Variants in FAM3C observed in about 807,000 individuals in gnomAD.
The protein encoded by FAM3C is protein FAM3C.
In FAM3C, 15 loss-of-function variants were observed where a neutral mutation model predicts 32.5. The ratio of observed to expected loss-of-function variants is 0.46; its 90% confidence interval spans 0.31 to 0.71. FAM3C has a LOEUF of 0.71. Ranked by LOEUF, FAM3C falls within the 30% of genes least tolerant of loss-of-function variation. The pLI is 0.05. For missense variants in FAM3C, 175 were observed against 274.4 expected (o/e 0.64, Z 2.56); for synonymous variants, 75 against 86.1 (o/e 0.87, Z 0.72).
At chr7:121,383,716 T>C (rs1794407459) in intron 1 of FAM3C, among the ~76,000 whole-genome samples, 1 of 152,176 alleles carries the variant, frequency 6.6e-6, no homozygotes, top group Non-Finnish European at 1.5e-5. Context: ...AAAAAATCTG[T>C]ATGTGCATGG....
At chr7:121,364,443 C>G (rs1793985184) in intron 5 of FAM3C, 1 of 386,096 alleles carries the variant, frequency 2.6e-6, no homozygotes, top group Non-Finnish European at 4.6e-6. Context: ...AATAATAGAC[C>G]ATTTTTGTGC....
intron 3 of FAM3C, among the ~76,000 whole-genome samples, chr7:121,374,764 A>C (rs530835906): frequency 6.6e-6 from 1 of 152,346 alleles, no homozygotes; most frequent in East Asian, 1.9e-4. Context: ...ATAATGTCTA[A>C]ATCAAATAGC....
At chr7:121,364,271 T>G in intron 5 of FAM3C, 83 bp from the exon 6 acceptor site, 1 of 876,556 alleles carries the variant, frequency 1.1e-6, no homozygotes, top group South Asian at 1.5e-5. Flanking sequence ...GCAAAAAAAG[T>G]TAGGAATATT....
chr7:121,364,310 G>A (rs565935898), intron 5 of FAM3C, 122 bp from the exon 6 acceptor site: 18 of 649,888 alleles, frequency 2.8e-5, no homozygotes, highest in African/African-American at 2.8e-4. Flanking sequence ...TCAGTGCTGC[G>A]GAGGAAATTA....
At chr7:121,387,752 T>A (rs1411159956) in intron 1 of FAM3C, among the ~76,000 whole-genome samples, 1 of 152,116 alleles carries the variant, frequency 6.6e-6, no homozygotes, top group African/African-American at 2.4e-5. Flanking sequence ...AAAACTTACA[T>A]TACTATTTCC....
intron 1 of FAM3C, among the ~76,000 whole-genome samples, chr7:121,395,011 C>T (rs1249938533): frequency 2.6e-5 from 4 of 152,116 alleles, no homozygotes; most frequent in Non-Finnish European, 5.9e-5. Context: ...CCTTTACTCT[C>T]GGGAGTTCAT....
chr7:121,366,517 T>A (rs997364837), intron 5 of FAM3C, among the ~76,000 whole-genome samples: 2 of 152,032 alleles, frequency 1.3e-5, no homozygotes, highest in Admixed American at 1.3e-4. Context: ...ATGGTTAACT[T>A]AGGGTTTGGG....
At chr7:121,384,549 C>A (rs1794428231) in intron 1 of FAM3C, among the ~76,000 whole-genome samples, 1 of 152,106 alleles carries the variant, frequency 6.6e-6, no homozygotes, top group South Asian at 2.1e-4. Flanking sequence ...AGTTACGCAC[C>A]AGGTACTTGA....
At chr7:121,366,652 T>A (rs1489219738) in intron 5 of FAM3C, among the ~76,000 whole-genome samples, 2 of 152,180 alleles carry the variant, frequency 1.3e-5, no homozygotes, top group Non-Finnish European at 2.9e-5. Context: ...TATCTGTGAA[T>A]ATAATAAACC....
rs1793705482 is a variant in FAM3C, at chr7:121,351,512, CACA to C, written c.468-246_468-244del. The C allele has an allele frequency of 7.6e-6, 3 of 396,182 alleles. No individual in the cohort carries two copies. In the Admixed American group the frequency reaches 1.2e-4, roughly 15 times the overall value. The allele number at this position is 396,182 out of a possible 1,614,324, so 24.5% of individuals were successfully genotyped here. On this transcript the variant is annotated intron_variant, in intron 8 of 9. Coordinates refer to ENST00000359943, the MANE Select transcript of FAM3C (RefSeq NM_014888.3). The stretch of plus-strand genomic sequence containing the variant: ...AAAAGGACCTGTTAGGTTTTTATTT[CACA>C]ACAATTCACCTTCATTTAACTTTTT...
chr7:121,374,455 T>C (rs1245306394), intron 3 of FAM3C, among the ~76,000 whole-genome samples: 1 of 152,190 alleles, frequency 6.6e-6, no homozygotes, highest in African/African-American at 2.4e-5. Context: ...ATAGAAATTG[T>C]CAAGTAAGTT....
rs1794294586 is a variant in FAM3C at position 121,378,896 on chromosome 7, A to C, written c.118+14T>G. The C allele has an allele frequency of 1.4e-6, 2 of 1,391,400 alleles. No homozygotes were observed. Among genetic ancestry groups the C allele is most frequent in the Non-Finnish European group, 2.0e-6 (2 of 1,005,152 alleles). 86.2% of individuals were successfully genotyped at this position (1,391,400 alleles called of 1,614,324 possible). The stretch of plus-strand genomic sequence containing the variant: ...CAAAAATAAGATTTAAGAAAGGAAA[A>C]AAATAAAACTTACCAAATAGATTTC... On this transcript the variant is annotated intron_variant, in intron 3 of 9. Coordinates refer to ENST00000359943, the MANE Select transcript of FAM3C (RefSeq NM_014888.3).
At chr7:121,356,956 A>C (rs1400834964) in intron 8 of FAM3C, among the ~76,000 whole-genome samples, 1 of 152,204 alleles carries the variant, frequency 6.6e-6, no homozygotes, top group Non-Finnish European at 1.5e-5. Context: ...CACAGAATCA[A>C]GAAACACCAT....
chr7:121,377,158 T>G (rs1282482928), intron 3 of FAM3C, among the ~76,000 whole-genome samples: 2 of 152,114 alleles, frequency 1.3e-5, no homozygotes, highest in Non-Finnish European at 2.9e-5. Flanking sequence ...TATAAGGGAC[T>G]TTCCCCTCGC....
intron 8 of FAM3C, among the ~76,000 whole-genome samples, chr7:121,354,021 C>G (rs1438505262): frequency 6.6e-6 from 1 of 152,160 alleles, no homozygotes; most frequent in Non-Finnish European, 1.5e-5. Context: ...CTAACACTTT[C>G]TGATCTGCCT....
In FAM3C at chr7:121,364,773, C is replaced by T. The variant is rs974798330; in HGVS notation, c.273-585G>A. ...TTACGTGGTGACTACCTGAAATAAT[C>T]GACTTCCATGGGCAGCTCACAGACC... On this transcript the variant is annotated intron_variant, in intron 5 of 9. Coordinates refer to ENST00000359943, the MANE Select transcript of FAM3C (RefSeq NM_014888.3). 4.6e-5 allele frequency among the ~76,000 whole-genome samples: 7 copies of T among 152,206 alleles called. No homozygotes were observed. The East Asian group carries it at 5.8e-4, about 13-fold the overall frequency.
intron 5 of FAM3C, 34 bp downstream of exon 5, chr7:121,371,266 C>T: frequency 2.5e-6 from 4 of 1,607,194 alleles, no homozygotes; most frequent in African/African-American, 1.3e-5. Flanking sequence ...AATTTAATAG[C>T]ACACCTTATC....
At chr7:121,383,576 G>A (rs1380064878) in intron 1 of FAM3C, among the ~76,000 whole-genome samples, 1 of 152,114 alleles carries the variant, frequency 6.6e-6, no homozygotes, top group Non-Finnish European at 1.5e-5. Context: ...AAAATAATAT[G>A]TTAAGAAGTA....
Position 121,395,660 on chromosome 7 carries a change from C to T in FAM3C, c.-42+502G>A, listed in dbSNP as rs140808648. On this transcript the variant is annotated intron_variant, in intron 1 of 9. Transcript: ENST00000359943. ...AGAAGAGACACCAAACATCAAAGGG[C>T]TGGATAGCTTGTAAAAAACCAAAAG... is the stretch of plus-strand genomic sequence containing the variant. Among the ~76,000 whole-genome samples, 18 of 152,230 alleles carry T rather than the reference C, an allele frequency of 1.2e-4. 1 individual carries two copies. The East Asian group carries it at 2.9e-3, about 25-fold the overall frequency.
Sources: gnomAD v4.1 joint callset for allele counts (sites outside exome capture counted in the v4.1 genomes callset) on GRCh38, gnomAD v4.1.1 for gene constraint, MANE v1.5 for transcripts, NCBI Gene and HGNC (gene_info 2026-07-23, HGNC 2026-07-21) for gene names.